ACTL6A: variants seen among roughly 807,000 people sequenced by gnomAD.
ACTL6A encodes actin-like protein 6A.
Under a neutral mutation model 59.2 loss-of-function variants are expected in ACTL6A, and 5 were observed. The observed-to-expected ratio is 0.08, with a 90% CI of 0.04 to 0.18. ACTL6A has a LOEUF of 0.18. Among genes scored for constraint, ACTL6A ranks in the 10% least tolerant of loss-of-function variants. ACTL6A has a pLI of 1.00. For missense variants in ACTL6A, 285 were observed against 526.9 expected (o/e 0.54, Z 4.49); for synonymous variants, 154 against 171.8 (o/e 0.90, Z 0.81).
intron 5 of ACTL6A, 82 bp downstream of exon 5, chr3:179,574,549 C>G: frequency 1.0e-6 from 1 of 967,920 alleles, no homozygotes; most frequent in Non-Finnish European, 1.6e-6. Flanking sequence ...AAGACATACG[C>G]CAATTATTGC....
chr3:179,583,607 A>G, intron 12 of ACTL6A, 159 bp downstream of exon 12: 1 of 522,578 alleles, frequency 1.9e-6, no homozygotes, highest in East Asian at 3.3e-5. Flanking sequence ...TCGTTTTCCT[A>G]GTTGACATCT....
intron 1 of ACTL6A, among the ~76,000 whole-genome samples, chr3:179,564,183 A>C (rs886979397): frequency 1.3e-5 from 2 of 152,186 alleles, no homozygotes; most frequent in Non-Finnish European, 2.9e-5. Flanking sequence ...ACTGATACAT[A>C]TAATTCATGT....
intron 8 of ACTL6A, among the ~76,000 whole-genome samples, chr3:179,577,488 AC>A (rs1718201954): frequency 6.6e-6 from 1 of 152,034 alleles, no homozygotes; most frequent in African/African-American, 2.4e-5. Context: ...TAAAAAAAAA[AC>A]AAAAAAAAAC....
In ACTL6A at chr3:179,563,068, G is replaced by A. The variant is rs542002386; in HGVS notation, c.-25G>A. 6.7e-5 allele frequency: 108 copies of A among 1,610,716 alleles called. No homozygotes were observed. Among genetic ancestry groups the A allele is most frequent in the Middle Eastern group, 3.3e-4 (2 of 6,050 alleles). On this transcript the variant is annotated 5_prime_UTR_variant, in exon 1 of 14. Coordinates refer to ENST00000429709, the MANE Select transcript of ACTL6A (RefSeq NM_004301.5). Reference sequence around the variant, plus strand: ...AGTCACTTCGCCAGTTAGCCCTTAGGGTAGGAGTCGCGCCGGCAGCAGCCA... The same window carrying A: ...AGTCACTTCGCCAGTTAGCCCTTAGAGTAGGAGTCGCGCCGGCAGCAGCCA...
At chr3:179,563,657 C>T (rs1025864855) in intron 1 of ACTL6A, among the ~76,000 whole-genome samples, 3 of 152,238 alleles carry the variant, frequency 2.0e-5, no homozygotes, top group East Asian at 1.9e-4. Flanking sequence ...GCCTCCTCCC[C>T]GTCTGCGCCC....
chr3:179,580,545 A>G (rs1340634357), intron 8 of ACTL6A, 95 bp from the exon 9 acceptor site: 12 of 892,218 alleles, frequency 1.3e-5, no homozygotes, highest in Admixed American at 6.1e-5. Context: ...ACATGGTCCA[A>G]TTTCATTCAG....
chr3:179,573,115 T>G (rs1325466056), intron 3 of ACTL6A: 3 of 295,974 alleles, frequency 1.0e-5, no homozygotes, highest in Non-Finnish European at 1.8e-5. Flanking sequence ...AACATTTACT[T>G]CATATTTTAG....
intron 5 of ACTL6A, among the ~76,000 whole-genome samples, 185 bp from the exon 6 acceptor site, chr3:179,576,032 A>G (rs1184182993): frequency 6.6e-6 from 1 of 152,134 alleles, no homozygotes; most frequent in Non-Finnish European, 1.5e-5. Context: ...GCCTCTTACT[A>G]TTTGTTTTTA....
chr3:179,563,222 C>A (rs3774226), intron 1 of ACTL6A, 105 bp downstream of exon 1: 1 of 1,489,184 alleles, frequency 6.7e-7, no homozygotes, highest in South Asian at 1.3e-5. Context: ...CGGTCTCCCC[C>A]TCTCGGGACC....
chr3:179,574,560 T>C, intron 5 of ACTL6A, 93 bp downstream of exon 5: 3 of 935,434 alleles, frequency 3.2e-6, no homozygotes, highest in Non-Finnish European at 5.1e-6. Flanking sequence ...CAATTATTGC[T>C]TGTTCCGAAG....
chr3:179,576,510 C>A (rs985100935), intron 6 of ACTL6A, 110 bp from the exon 7 acceptor site: 2 of 891,898 alleles, frequency 2.2e-6, no homozygotes, highest in African/African-American at 1.7e-5. Flanking sequence ...AAGGATAGTT[C>A]AGTTCATTCT....
intron 1 of ACTL6A, among the ~76,000 whole-genome samples, chr3:179,564,942 T>C (rs13322072): frequency 0.55 from 81,857 of 149,776 alleles, 22,618 homozygotes; most frequent in East Asian, 0.78. Flanking sequence ...TCAGGCGGTC[T>C]TCCCACCTCA....
intron 12 of ACTL6A, among the ~76,000 whole-genome samples, chr3:179,585,416 T>C (rs1273477679): frequency 6.6e-6 from 1 of 152,154 alleles, no homozygotes; most frequent in Non-Finnish European, 1.5e-5. Context: ...TACTAATGAT[T>C]AGATTTCATA....
chr3:179,577,124 C>T (rs1718191954), intron 8 of ACTL6A, among the ~76,000 whole-genome samples: 1 of 151,972 alleles, frequency 6.6e-6, no homozygotes, highest in African/African-American at 2.4e-5. Context: ...ATTTTACTAA[C>T]AAAAGAGCTT....
At chr3:179,575,433 A>T in intron 5 of ACTL6A, 1 of 456,726 alleles carries the variant, frequency 2.2e-6, no homozygotes, top group Non-Finnish European at 4.4e-6. Context: ...ACTAAACAGG[A>T]TAACCTTCAG....
chr3:179,572,176 T>C (rs1718027228), intron 3 of ACTL6A, among the ~76,000 whole-genome samples: 1 of 152,096 alleles, frequency 6.6e-6, no homozygotes, highest in Non-Finnish European at 1.5e-5. Context: ...GTTGTATATT[T>C]TAACCAATAG....
chr3:179,578,748 C>G (rs980644882), intron 8 of ACTL6A, among the ~76,000 whole-genome samples: 1 of 152,164 alleles, frequency 6.6e-6, no homozygotes, highest in African/African-American at 2.4e-5. Context: ...TCTCTGCAGC[C>G]GTGTCAGCAG....
chr3:179,571,391 A>G (rs1211191299), intron 3 of ACTL6A, among the ~76,000 whole-genome samples: 3 of 151,756 alleles, frequency 2.0e-5, no homozygotes, highest in Non-Finnish European at 2.9e-5. Flanking sequence ...ACTACACACC[A>G]ACCTGGGTGA....
intron 3 of ACTL6A, among the ~76,000 whole-genome samples, chr3:179,571,810 A>AAGTGTTC (rs1718016642): frequency 6.6e-6 from 1 of 152,254 alleles, no homozygotes; most frequent in Non-Finnish European, 1.5e-5. Context: ...GAAGGAAAGC[A>AAGTGTTC]AGTGTTCAGA....
Sources: allele counts gnomAD v4.1 joint callset (sites outside exome capture counted in the v4.1 genomes callset), GRCh38; gene constraint gnomAD v4.1.1; transcripts MANE v1.5; gene names NCBI Gene and HGNC (gene_info 2026-07-23, HGNC 2026-07-21).